Variants in CMIP observed in about 807,000 individuals in gnomAD.
The protein encoded by CMIP is C-Maf-inducing protein.
Under a neutral mutation model 97.3 loss-of-function variants are expected in CMIP, and 13 were observed. The ratio of observed to expected loss-of-function variants is 0.13; its 90% confidence interval spans 0.09 to 0.21. CMIP has a LOEUF of 0.21. Among genes scored for constraint, CMIP ranks in the 10% least tolerant of loss-of-function variants. CMIP has a pLI of 1.00. For missense variants in CMIP, 847 were observed against 1,024.9 expected, an observed-to-expected ratio of 0.83 and a Z score of 2.37; for synonymous variants, 538 against 436.3, an observed-to-expected ratio of 1.23 and a Z score of -2.91.
intron 1 of CMIP, among the ~76,000 whole-genome samples, chr16:81,591,106 A>G (rs142916358): frequency 2.2e-4 from 34 of 152,210 alleles, no homozygotes; most frequent in African/African-American, 8.2e-4. Flanking sequence ...TTAGAGTTAT[A>G]GCAGATTCAA....
At chr16:81,709,599 C>A in intron 20 of CMIP, 147 bp from the exon 21 acceptor site, 1 of 806,040 alleles carries the variant, frequency 1.2e-6, no homozygotes, top group Non-Finnish European at 2.0e-6. Context: ...GGCCACCCAC[C>A]CCTCCAAGAG....
chr16:81,701,687 A>G lies in CMIP; in HGVS notation c.1783A>G (p.Ile595Val). Residue 595 changes from isoleucine (I) to valine (V), a missense_variant, in exon 16 of 21, where the codon ATC becomes GTC. Transcript: ENST00000537098. ...CCTGTGCTTGATGCTGGAATACAACATCATCGACAACAACGACACCCAACT... is the reference window on the plus strand; with the variant it reads ...CCTGTGCTTGATGCTGGAATACAACGTCATCGACAACAACGACACCCAACT... ...EILCLMLEYN[I>V]IDNNDTQLQI... is the part of the protein sequence containing the mutation. 6.2e-7 allele frequency: 1 copy of G among 1,613,880 alleles called. No individual in the cohort carries two copies. Among genetic ancestry groups the G allele is most frequent in the Non-Finnish European group, 8.5e-7 (1 of 1,179,882 alleles).
chr16:81,705,594 G>T lies in CMIP; in HGVS notation c.2187G>T (p.Leu729=). ...CETPVTDAGL[L]ALSSMKSLCS... Reference sequence around the variant, plus strand: ...CCCCGGTCACAGACGCTGGCCTGCTGGCCCTGAGCTGTGAGTGCCTCCGGG... The same window carrying T: ...CCCCGGTCACAGACGCTGGCCTGCTTGCCCTGAGCTGTGAGTGCCTCCGGG... Residue 729 remains leucine, a synonymous_variant, in exon 19 of 21, where the codon CTG becomes CTT. Coordinates refer to ENST00000537098, the MANE Select transcript of CMIP (RefSeq NM_198390.3). 1.9e-6 allele frequency: 3 copies of T among 1,600,728 alleles called. No homozygotes were observed. The highest frequency in any genetic ancestry group is 2.6e-6 in the Non-Finnish European group (3 of 1,175,082).
At chr16:81,558,962 G>C (rs2090823235) in intron 1 of CMIP, among the ~76,000 whole-genome samples, 1 of 152,226 alleles carries the variant, frequency 6.6e-6, no homozygotes, top group Non-Finnish European at 1.5e-5. Context: ...CAGTAGATAA[G>C]ATGTCTGAGT....
At chr16:81,599,403 G>A (rs2091620299) in intron 1 of CMIP, among the ~76,000 whole-genome samples, 1 of 152,202 alleles carries the variant, frequency 6.6e-6, no homozygotes, top group African/African-American at 2.4e-5. Flanking sequence ...AAAAGAACAT[G>A]AAATATTTTG....
intron 1 of CMIP, among the ~76,000 whole-genome samples, chr16:81,592,258 G>C (rs957198029): frequency 3.3e-5 from 5 of 152,228 alleles, no homozygotes; most frequent in Non-Finnish European, 7.3e-5. Flanking sequence ...GGCAGTCGAG[G>C]GCTATCTCCT....
chr16:81,585,344 AAATAAT>A (rs913753969), intron 1 of CMIP, among the ~76,000 whole-genome samples: 4 of 152,278 alleles, frequency 2.6e-5, no homozygotes, highest in Non-Finnish European at 4.4e-5. Flanking sequence ...CTGTCTCAAA[AAATAAT>A]AATAATAAAT....
At chr16:81,610,653 C>T (rs1039331710) in intron 2 of CMIP, 1 of 435,974 alleles carries the variant, frequency 2.3e-6, no homozygotes. Context: ...TCCTCACCCC[C>T]ACACTCTGCC....
chr16:81,681,620 G>A (rs929851976), intron 10 of CMIP, among the ~76,000 whole-genome samples: 1 of 152,340 alleles, frequency 6.6e-6, no homozygotes, highest in South Asian at 2.1e-4. Context: ...TGTTCCCGCC[G>A]CTTGACCATA....
intron 2 of CMIP, among the ~76,000 whole-genome samples, chr16:81,609,758 T>C (rs903920321): frequency 1.3e-5 from 2 of 152,128 alleles, no homozygotes; most frequent in South Asian, 4.1e-4. Context: ...AGGGGATGTG[T>C]GTGCAAAGCC....
Position 81,627,856 on chromosome 16 carries a change from G to A in CMIP, c.477+6930G>A, listed in dbSNP as rs4587965. Among the ~76,000 whole-genome samples the A allele has an allele frequency of 0.055, 8,410 of 152,236 alleles. 284 individuals carry two copies. The highest frequency in any genetic ancestry group is 0.07 in the Non-Finnish European group (4,733 of 67,990). ...TCCATGTTCTGTGTTGGGAGCTGGC[G>A]CTGGGGGACCACAACCCTCAAAGTC... On this transcript the variant is annotated intron_variant, in intron 3 of 20. Coordinates refer to ENST00000537098, the MANE Select transcript of CMIP (RefSeq NM_198390.3). The surrounding 1 kb of genome is among the most constrained non-coding windows in gnomAD (Gnocchi z 4.6).
At chr16:81,539,807 C>G (rs763569583) in intron 1 of CMIP, among the ~76,000 whole-genome samples, 2 of 152,232 alleles carry the variant, frequency 1.3e-5, no homozygotes, top group Non-Finnish European at 2.9e-5. Flanking sequence ...CATTCCCCCA[C>G]CACAGGACAG....
intron 1 of CMIP, among the ~76,000 whole-genome samples, chr16:81,483,102 G>T (rs2089256425): frequency 6.6e-6 from 1 of 152,370 alleles, no homozygotes; most frequent in Non-Finnish European, 1.5e-5. Flanking sequence ...TCAGACGAGG[G>T]AGGACAGAAG....
At chr16:81,496,939 G>T (rs772340595) in intron 1 of CMIP, among the ~76,000 whole-genome samples, 5 of 152,276 alleles carry the variant, frequency 3.3e-5, no homozygotes, top group Non-Finnish European at 7.3e-5. Context: ...TGGGCCATTT[G>T]CTTACTGCTG....
At chr16:81,670,321 C>T (rs535354466) in intron 8 of CMIP, 76 bp downstream of exon 8, 8 of 1,446,596 alleles carry the variant, frequency 5.5e-6, no homozygotes, top group South Asian at 1.2e-5. Context: ...CAGATATCCA[C>T]GGGGGGCTGT....
intron 1 of CMIP, among the ~76,000 whole-genome samples, chr16:81,489,094 C>A (rs868528951): frequency 6.6e-6 from 1 of 152,228 alleles, no homozygotes; most frequent in Middle Eastern, 3.4e-3. Context: ...GCCATACTCT[C>A]AGGCACAGGA....
chr16:81,520,596 GA>G (rs2090004021), intron 1 of CMIP: 1 of 149,878 alleles, frequency 6.7e-6, no homozygotes, highest in South Asian at 2.1e-4. Context: ...GAGAGAGAGA[GA>G]GAGAGAAGAT....
intron 1 of CMIP, among the ~76,000 whole-genome samples, chr16:81,447,441 C>A (rs576699597): frequency 6.6e-6 from 1 of 152,170 alleles, no homozygotes; most frequent in Non-Finnish European, 1.5e-5. Flanking sequence ...TCCCCACTTA[C>A]CTCCGATTGC....
chr16:81,664,416 G>T, intron 7 of CMIP, 67 bp downstream of exon 7: 4 of 1,465,544 alleles, frequency 2.7e-6, no homozygotes, highest in Non-Finnish European at 2.8e-6. Context: ...CGCCTCCCTG[G>T]CCTTTTGCGT....
Sources: gnomAD v4.1 joint callset for allele counts (sites outside exome capture counted in the v4.1 genomes callset) on GRCh38, gnomAD v4.1.1 for gene constraint, Gnocchi (gnomAD v3.1) non-coding constraint, MANE v1.5 for transcripts, NCBI Gene and HGNC (gene_info 2026-07-23, HGNC 2026-07-21) for gene names.